Variants in HIPK2 observed in about 807,000 individuals in gnomAD.
HIPK2 encodes the protein homeodomain interacting protein kinase 2.
HIPK2 carries 27 observed loss-of-function variants against 113.7 expected under a neutral mutation model. The ratio of observed to expected loss-of-function variants is 0.24; its 90% CI spans 0.17 to 0.33. The LOEUF is 0.33. Among genes scored for constraint, HIPK2 ranks in the 10% least tolerant of loss-of-function variants. The pLI, the probability that HIPK2 is intolerant of heterozygous loss-of-function variation, is 1.00. For missense variants in HIPK2, 1,257 were observed against 1,588.0 expected (o/e 0.79, Z 3.54); for synonymous variants, 631 against 642.2 (o/e 0.98, Z 0.26).
At chr7:139,587,920 T>G (rs1798891309) in intron 12 of HIPK2, among the ~76,000 whole-genome samples, 1 of 152,088 alleles carries the variant, frequency 6.6e-6, no homozygotes, top group Non-Finnish European at 1.5e-5. Context: ...GTACGGTGGC[T>G]GACACCTGTA....
chr7:139,624,713 A>G (rs959427175), intron 6 of HIPK2, among the ~76,000 whole-genome samples: 2 of 152,144 alleles, frequency 1.3e-5, no homozygotes, highest in African/African-American at 4.8e-5. Flanking sequence ...TCCAATAGAC[A>G]TCATTCTGGA....
intron 1 of HIPK2, among the ~76,000 whole-genome samples, chr7:139,747,415 G>A (rs1796207672): frequency 6.6e-6 from 1 of 152,152 alleles, no homozygotes; most frequent in Non-Finnish European, 1.5e-5. Flanking sequence ...TCAAGGGCCG[G>A]CACTTGAAAC....
At chr7:139,593,532 C>T (rs1429042260) in intron 12 of HIPK2, among the ~76,000 whole-genome samples, 1 of 152,238 alleles carries the variant, frequency 6.6e-6, no homozygotes, top group Non-Finnish European at 1.5e-5. Flanking sequence ...GCTATATCAT[C>T]TAGTCCTAGA....
chr7:139,776,105 T>A (rs892456220), intron 1 of HIPK2, among the ~76,000 whole-genome samples: 1 of 152,214 alleles, frequency 6.6e-6, no homozygotes, highest in Non-Finnish European at 1.5e-5. Flanking sequence ...CCGACATGGG[T>A]TCTCCCGCAT....
Position 139,716,895 on chromosome 7 carries a change from T to C in HIPK2, c.140A>G (p.His47Arg), listed in dbSNP as rs773782325. 1.9e-6 allele frequency: 3 copies of C among 1,613,796 alleles called. 1 individual carries two copies. The South Asian group carries it at 3.3e-5, about 18-fold the overall frequency. ...CTTGCTCTGGCTATACACTTTGCTG[T>C]GGGAGCCGTACCCAGTCATGTCCCA... ...SNWDMTGYGS[H>R]SKVYSQSKNI... Residue 47 changes from histidine (H) to arginine (R), a missense_variant, in exon 2 of 15, where the codon CAC (histidine) becomes CGC (arginine). Physicochemically the swap from His to Arg is conservative, Grantham distance 29. This residue lies in a region of HIPK2 where 209 missense variants were observed against 237.8 expected (regional missense o/e 0.88). Transcript: ENST00000406875. The surrounding 1 kb of genome is among the most constrained non-coding windows in gnomAD (Gnocchi z 9.3).
chr7:139,731,842 G>C (rs959009902), intron 1 of HIPK2, among the ~76,000 whole-genome samples: 1 of 152,156 alleles, frequency 6.6e-6, no homozygotes, highest in African/African-American at 2.4e-5. Context: ...TGTTACAACT[G>C]TTTTGTTCCT....
intron 2 of HIPK2, among the ~76,000 whole-genome samples, chr7:139,648,909 G>A (rs1238983944): frequency 1.3e-5 from 2 of 152,124 alleles, no homozygotes; most frequent in Non-Finnish European, 2.9e-5. Context: ...ATGGAAAGAA[G>A]CAAGGCATTG....
chr7:139,733,372 T>C (rs1310005727), intron 1 of HIPK2, among the ~76,000 whole-genome samples: 1 of 152,196 alleles, frequency 6.6e-6, no homozygotes, highest in African/African-American at 2.4e-5. Context: ...GAATTTACTT[T>C]CAAAGCTTCT....
At chr7:139,766,943 C>T (rs889260631) in intron 1 of HIPK2, among the ~76,000 whole-genome samples, 1 of 152,136 alleles carries the variant, frequency 6.6e-6, no homozygotes, top group Non-Finnish European at 1.5e-5. Context: ...TGTGACCTTC[C>T]CTGAGAAGAT....
rs536977397 is a variant in HIPK2, at chr7:139,655,344, G to A, written c.1104-23619C>T. 2.0e-5 allele frequency among the ~76,000 whole-genome samples: 3 copies of A among 152,360 alleles called. No individual in the cohort carries two copies. In the South Asian group the frequency reaches 6.2e-4, roughly 32 times the overall value. The stretch of plus-strand genomic sequence containing the variant: ...ATGTCAGTCTTCCCTTTGGGACAAA[G>A]ACGTAAGTTGCAGTGGAGCCAGTAG... On this transcript the variant is annotated intron_variant, in intron 2 of 14. Coordinates refer to ENST00000406875, the MANE Select transcript of HIPK2 (RefSeq NM_022740.5).
rs532421318 is a variant in HIPK2, at chr7:139,613,081, C to G, written c.2112+121G>C. ...CCATTTAGAATATTACAGATACATT[C>G]CAATGACTAGAAGCACCTAACTCAT... On this transcript the variant is annotated intron_variant, in intron 9 of 14. Transcript: ENST00000406875. This position sits in a 1 kb window ranked among gnomAD's most constrained non-coding sequence, Gnocchi z 4.2. 3 of 1,183,732 alleles carry G rather than the reference C, an allele frequency of 2.5e-6. No individual in the cohort carries two copies. Among genetic ancestry groups the G allele is most frequent in the African/African-American group, 3.1e-5 (2 of 65,034 alleles). 73.3% of individuals were successfully genotyped at this position (1,183,732 alleles called of 1,614,324 possible).
At chr7:139,587,508 A>C in intron 12 of HIPK2, among the ~76,000 whole-genome samples, 1 of 151,450 alleles carries the variant, frequency 6.6e-6, no homozygotes, top group Admixed American at 6.6e-5. Flanking sequence ...AAAAAAAAAA[A>C]AAAAAGCAAA....
chr7:139,758,475 A>G (rs1394520762), intron 1 of HIPK2, among the ~76,000 whole-genome samples: 1 of 151,258 alleles, frequency 6.6e-6, no homozygotes, highest in Admixed American at 6.6e-5. Context: ...GTCCCCAACC[A>G]CTCCCCACCC....
chr7:139,584,167 A>ATGGTATTGCACCG, intron 12 of HIPK2, 103 bp from the exon 13 acceptor site: 1 of 1,470,488 alleles, frequency 6.8e-7, no homozygotes, highest in Non-Finnish European at 9.1e-7. Context: ...CAGAGGGGAG[A>ATGGTATTGCACCG]GGGCAGGAAC....
chr7:139,694,670 G>C (rs1794514729), intron 2 of HIPK2, among the ~76,000 whole-genome samples: 1 of 152,182 alleles, frequency 6.6e-6, no homozygotes, highest in Non-Finnish European at 1.5e-5. Context: ...TAAAAACAGA[G>C]ATGGGGCACT....
intron 7 of HIPK2, among the ~76,000 whole-genome samples, chr7:139,614,800 G>T (rs919607605): frequency 3.9e-5 from 6 of 152,156 alleles, no homozygotes; most frequent in Admixed American, 6.5e-5. Flanking sequence ...TGCTGAAAAG[G>T]CTAAAAATTA....
In HIPK2 at chr7:139,572,916, CCCT is replaced by C; in HGVS notation, c.*8_*10del. The C allele has an allele frequency of 8.2e-7, 1 of 1,226,190 alleles. No homozygotes were observed. The highest frequency in any genetic ancestry group is 1.5e-5 in the South Asian group (1 of 67,476). 76.0% of individuals were successfully genotyped at this position (1,226,190 alleles called of 1,614,324 possible). ...CTCTCCCTCCCTCCCTCCCTCCCTC[CCCT>C]CCAGTGTTTATATGTAAGGGTACTG... is the stretch of plus-strand genomic sequence containing the variant. On this transcript the variant is annotated 3_prime_UTR_variant, in exon 15 of 15. Coordinates refer to ENST00000406875, the MANE Select transcript of HIPK2 (RefSeq NM_022740.5).
At chr7:139,739,748 T>A (rs1053258379) in intron 1 of HIPK2, among the ~76,000 whole-genome samples, 1 of 152,124 alleles carries the variant, frequency 6.6e-6, no homozygotes, top group Non-Finnish European at 1.5e-5. Context: ...AAACCATGAA[T>A]CTCTACTTTC....
At chr7:139,580,748 G>T (rs1201499965) in intron 13 of HIPK2, among the ~76,000 whole-genome samples, 1 of 152,260 alleles carries the variant, frequency 6.6e-6, no homozygotes, top group Non-Finnish European at 1.5e-5. Flanking sequence ...AAACTGGGAA[G>T]ATCATGGCAG....
Sources: allele counts gnomAD v4.1 joint callset (sites outside exome capture counted in the v4.1 genomes callset), GRCh38; gene constraint gnomAD v4.1.1; regional missense constraint gnomAD v4.1.1; non-coding constraint Gnocchi (gnomAD v3.1); transcripts MANE v1.5; gene names NCBI Gene and HGNC (gene_info 2026-07-23, HGNC 2026-07-21).